GSG1L: variants seen among roughly 807,000 people sequenced by gnomAD.
GSG1L encodes the protein germ cell-specific gene 1-like protein.
A neutral mutation model predicts 42.1 loss-of-function variants in GSG1L; 24 were observed. The ratio of observed to expected loss-of-function variants is 0.57; its 90% CI spans 0.41 to 0.80. The LOEUF (loss-of-function observed/expected upper bound fraction) is 0.80. GSG1L is among the 30% of genes least tolerant of loss of function. The pLI, the probability that GSG1L is intolerant of heterozygous loss-of-function variation, is 0.00. For synonymous variants in GSG1L, 215 were observed against 203.5 expected (o/e 1.06, Z -0.48); for missense variants, 445 against 472.2 (o/e 0.94, Z 0.53).
At chr16:27,889,612 A>G (rs1198240487) in intron 2 of GSG1L, among the ~76,000 whole-genome samples, 1 of 152,154 alleles carries the variant, frequency 6.6e-6, no homozygotes, top group Non-Finnish European at 1.5e-5. Context: ...CTTAGCCGCC[A>G]TCAATGCATG....
intron 1 of GSG1L, among the ~76,000 whole-genome samples, chr16:28,032,347 T>C (rs1437815875): frequency 6.6e-6 from 1 of 152,214 alleles, no homozygotes; most frequent in Non-Finnish European, 1.5e-5. Context: ...ATGTTTGCTT[T>C]TGAAAATTAG....
chr16:27,972,707 G>T (rs556488192), intron 1 of GSG1L, among the ~76,000 whole-genome samples: 8 of 152,242 alleles, frequency 5.3e-5, no homozygotes, highest in African/African-American at 1.9e-4. Flanking sequence ...ATCAATTTAC[G>T]TGATTCTTAA....
intron 2 of GSG1L, among the ~76,000 whole-genome samples, chr16:27,924,929 T>A (rs540955249): frequency 1.2e-4 from 18 of 152,106 alleles, no homozygotes; most frequent in African/African-American, 4.3e-4. Context: ...CCTTCCCCAG[T>A]CTCCCAGCAA....
At chr16:28,038,452 C>T (rs972374434) in intron 1 of GSG1L, among the ~76,000 whole-genome samples, 3 of 152,184 alleles carry the variant, frequency 2.0e-5, no homozygotes, top group African/African-American at 4.8e-5. Context: ...TGAGGCTGCC[C>T]CTCTGGAGGG....
rs55827490 is a variant in GSG1L at position 27,930,824 on chromosome 16, A to G, written c.397+32332T>C. Reference sequence around the variant, plus strand: ...ACTGCAGTCTCAAACTCCTGGGCTCAAGCAATCCTCCCACCTCAGCCTCCC... The same window carrying G: ...ACTGCAGTCTCAAACTCCTGGGCTCGAGCAATCCTCCCACCTCAGCCTCCC... On this transcript the variant is annotated intron_variant, in intron 2 of 6. Coordinates refer to ENST00000447459, the MANE Select transcript of GSG1L (RefSeq NM_001109763.2). 7.7e-3 allele frequency among the ~76,000 whole-genome samples: 1,179 copies of G among 152,292 alleles called. 18 individuals carry two copies. The highest frequency in any genetic ancestry group is 0.027 in the African/African-American group (1,124 of 41,560).
At chr16:27,933,965 T>C (rs1214549825) in intron 2 of GSG1L, among the ~76,000 whole-genome samples, 3 of 152,038 alleles carry the variant, frequency 2.0e-5, no homozygotes, top group Non-Finnish European at 4.4e-5. Flanking sequence ...GGGCTTGGAG[T>C]TGAACTCAAT....
chr16:27,991,452 C>G (rs144931532), intron 1 of GSG1L, among the ~76,000 whole-genome samples: 3,123 of 151,568 alleles, frequency 0.021, 120 homozygotes, highest in African/African-American at 0.072. Context: ...ATTGCCCAGG[C>G]TGGAGTGCAG....
At chr16:27,843,613 G>T (rs758864449) in intron 4 of GSG1L, among the ~76,000 whole-genome samples, 1 of 151,924 alleles carries the variant, frequency 6.6e-6, no homozygotes, top group Non-Finnish European at 1.5e-5. Flanking sequence ...CCAATTCAAA[G>T]GGAAGAGAGA....
intron 1 of GSG1L, among the ~76,000 whole-genome samples, chr16:27,985,450 T>C (rs374708645): frequency 2.0e-5 from 3 of 152,158 alleles, no homozygotes; most frequent in Non-Finnish European, 4.4e-5. Context: ...TCCGCCATGA[T>C]TGGAAACTTC....
At chr16:28,037,006 T>C (rs538317548) in intron 1 of GSG1L, among the ~76,000 whole-genome samples, 2 of 151,832 alleles carry the variant, frequency 1.3e-5, no homozygotes, top group East Asian at 3.9e-4. Flanking sequence ...TTATCTTTGG[T>C]TGTTGTTGTT....
chr16:27,885,136 T>G (rs925360928), intron 2 of GSG1L, among the ~76,000 whole-genome samples: 1 of 152,100 alleles, frequency 6.6e-6, no homozygotes, highest in South Asian at 2.1e-4. Context: ...TTTTGTTCTT[T>G]TTTGTTTGTT....
At chr16:27,861,128 G>T (rs1261684876) in intron 3 of GSG1L, among the ~76,000 whole-genome samples, 2 of 152,310 alleles carry the variant, frequency 1.3e-5, no homozygotes, top group African/African-American at 4.8e-5. Context: ...AGCACTCTGG[G>T]AGGCCAAGGC....
intron 1 of GSG1L, among the ~76,000 whole-genome samples, chr16:28,038,355 T>A (rs1442494804): frequency 6.6e-6 from 1 of 152,086 alleles, no homozygotes; most frequent in East Asian, 1.9e-4. Flanking sequence ...AAACTGAGGC[T>A]CCCAGAGGCT....
intron 1 of GSG1L, among the ~76,000 whole-genome samples, chr16:28,019,557 T>G (rs1445785959): frequency 1.3e-5 from 2 of 152,174 alleles, no homozygotes. Context: ...TCCTTTACCT[T>G]CTTAATAAAC....
chr16:27,994,319 G>A (rs116594464), intron 1 of GSG1L, among the ~76,000 whole-genome samples: 4,012 of 151,856 alleles, frequency 0.026, 183 homozygotes, highest in African/African-American at 0.092. Flanking sequence ...GAATGGTGGG[G>A]GGATGTGGCA....
chr16:27,931,361 T>C lies in GSG1L; in HGVS notation c.397+31795A>G, dbSNP rs116293876. Among the ~76,000 whole-genome samples the C allele has an allele frequency of 3.8e-3, 577 of 152,296 alleles. 4 individuals are homozygous for C. The highest frequency in any genetic ancestry group is 0.013 in the African/African-American group (550 of 41,560). On this transcript the variant is annotated intron_variant, in intron 2 of 6. Transcript: ENST00000447459. ...GCTCAAACGGCTGGCTTCATGCCGC[T>C]GCCTCCATCCCAGCCCCACTGGCCT...
At chr16:27,921,321 A>G (rs1322030288) in intron 2 of GSG1L, among the ~76,000 whole-genome samples, 1 of 151,954 alleles carries the variant, frequency 6.6e-6, no homozygotes, top group Non-Finnish European at 1.5e-5. Flanking sequence ...TGCCCTCCAA[A>G]ACCCTGGAGT....
At position 27,947,599 on chromosome 16, in the gene GSG1L, A is replaced by AAGAAAGAAAGAAAGAG. The variant is rs1401836017; in HGVS notation, c.397+15556_397+15557insCTCTTTCTTTCTTTCT. Among the ~76,000 whole-genome samples the AAGAAAGAAAGAAAGAG allele has an allele frequency of 1.2e-3, 101 of 86,086 alleles. 4 individuals carry two copies. Among genetic ancestry groups the AAGAAAGAAAGAAAGAG allele is most frequent in the African/African-American group, 2.3e-3 (46 of 19,706 alleles). The allele number at this position is 86,086 out of a possible 152,430, so 56.5% of individuals were successfully genotyped here. A position where few individuals can be genotyped will look rare whatever the true frequency, so the allele number is the denominator to read the frequency against. The stretch of plus-strand genomic sequence containing the variant: ...AAAGAAAGAAAGAAAGAAAGAAAGA[A>AAGAAAGAAAGAAAGAG]AAAGAAAGAAAGAAAAAGAAAAGTT... On this transcript the variant is annotated intron_variant, in intron 2 of 6. Coordinates refer to ENST00000447459, the MANE Select transcript of GSG1L (RefSeq NM_001109763.2).
intron 2 of GSG1L, among the ~76,000 whole-genome samples, chr16:27,899,609 C>G (rs984355975): frequency 2.0e-5 from 3 of 152,110 alleles, no homozygotes; most frequent in African/African-American, 4.8e-5. Context: ...GGTAGCCACT[C>G]AGGAGGCTGA....
Sources: allele counts gnomAD v4.1 joint callset (sites outside exome capture counted in the v4.1 genomes callset), GRCh38; gene constraint gnomAD v4.1.1; transcripts MANE v1.5; gene names NCBI Gene and HGNC (gene_info 2026-07-23, HGNC 2026-07-21).